PUDP: variants seen among roughly 807,000 people sequenced by gnomAD.
PUDP encodes pseudouridine 5'-phosphatase, also known as pseudouridine-5'-phosphatase.
In PUDP, 8 loss-of-function variants were observed where a neutral mutation model predicts 9.4. The ratio of observed to expected loss-of-function variants is 0.85; its 90% CI spans 0.50 to 1.53. PUDP has a LOEUF of 1.53. Among genes scored for constraint, PUDP ranks in the 40% most tolerant of loss-of-function variants. The pLI, the probability that PUDP is intolerant of heterozygous loss-of-function variation, is 0.00. For synonymous variants in PUDP, 99 were observed against 80.7 expected, an observed-to-expected ratio of 1.23 and a Z score of -1.22; for missense variants, 188 against 189.7, an observed-to-expected ratio of 0.99 and a Z score of 0.05.
chrX:6,941,331 T>C (rs995780232), intron 3 of PUDP, among the ~76,000 whole-genome samples: 4 of 101,405 alleles, frequency 3.9e-5, no homozygotes, highest in African/African-American at 1.5e-4. Flanking sequence ...TTTTTCTTTT[T>C]CTTTTCTGTC....
chrX:6,913,238 A>G (rs908531976), intron 3 of PUDP, among the ~76,000 whole-genome samples: 29 of 111,648 alleles, frequency 2.6e-4, no homozygotes, highest in African/African-American at 8.8e-4. Flanking sequence ...CTCTCCTTTT[A>G]CCCTTGGAAT....
At chrX:7,006,717 G>A (rs1433320615) in intron 1 of PUDP, among the ~76,000 whole-genome samples, 1 of 111,166 alleles carries the variant, frequency 9.0e-6, no homozygotes, top group African/African-American at 3.3e-5. Context: ...TTCATCAGAA[G>A]CCACAAAGGG....
chrX:6,841,833 T>C (rs1480332016), intron 3 of PUDP, among the ~76,000 whole-genome samples: 1 of 111,239 alleles, frequency 9.0e-6, no homozygotes, highest in Non-Finnish European at 1.9e-5. Flanking sequence ...TTTCTTTATC[T>C]TGTTCTGTCT....
At chrX:6,942,986 T>C (rs917211050) in intron 3 of PUDP, among the ~76,000 whole-genome samples, 5 of 112,382 alleles carry the variant, frequency 4.4e-5, no homozygotes, top group Non-Finnish European at 9.4e-5. Context: ...ATTTCCATTG[T>C]TGTAAGCCAC....
At chrX:7,114,679 T>C (rs1471709962) in intron 1 of PUDP, among the ~76,000 whole-genome samples, 3 of 111,979 alleles carry the variant, frequency 2.7e-5, no homozygotes, top group African/African-American at 9.8e-5. Context: ...TCTCAGTGAT[T>C]TGAATGTGTG....
intron 3 of PUDP, among the ~76,000 whole-genome samples, chrX:6,751,847 T>C (rs1483032215): frequency 1.8e-5 from 2 of 110,847 alleles, no homozygotes; most frequent in Non-Finnish European, 3.8e-5. Context: ...ACGATTGGTG[T>C]TTTTGCAGCT....
chrX:6,792,786 G>C (rs1186285460), intron 3 of PUDP, among the ~76,000 whole-genome samples: 3 of 112,798 alleles, frequency 2.7e-5, no homozygotes, highest in Non-Finnish European at 5.6e-5. Flanking sequence ...AGATCTGTCT[G>C]ATTTTTTCTT....
chrX:6,887,958 G>T (rs1927454296), intron 3 of PUDP, among the ~76,000 whole-genome samples: 1 of 111,475 alleles, frequency 9.0e-6, no homozygotes, highest in Non-Finnish European at 1.9e-5. Context: ...CAGAGACAGG[G>T]CAGACAGTCT....
intron 3 of PUDP, among the ~76,000 whole-genome samples, chrX:7,060,671 C>G (rs1206100023): frequency 8.9e-6 from 1 of 112,622 alleles, no homozygotes; most frequent in Non-Finnish European, 1.9e-5. Context: ...CAAAGAGTAG[C>G]TGAATGTGGC....
chrX:6,984,219 GAC>G (rs1476457877), intron 1 of PUDP, among the ~76,000 whole-genome samples: 2 of 111,845 alleles, frequency 1.8e-5, no homozygotes, highest in African/African-American at 6.5e-5. Flanking sequence ...AATCCATCAA[GAC>G]AGAAAGACAG....
intron 1 of PUDP, among the ~76,000 whole-genome samples, chrX:7,019,937 T>C (rs1053611866): frequency 1.8e-5 from 2 of 109,993 alleles, no homozygotes; most frequent in Non-Finnish European, 3.8e-5. Context: ...TTAGGAAAGA[T>C]TGGGAGAATT....
chrX:6,959,708 C>T (rs922689172), intron 3 of PUDP, among the ~76,000 whole-genome samples: 3 of 112,056 alleles, frequency 2.7e-5, no homozygotes, highest in African/African-American at 9.7e-5. Context: ...AAGCCACAGG[C>T]GCCTGACCCC....
intron 3 of PUDP, among the ~76,000 whole-genome samples, chrX:6,748,079 G>A (rs777036799): frequency 2.7e-5 from 3 of 111,729 alleles, no homozygotes; most frequent in Non-Finnish European, 5.6e-5. Context: ...TGACACCTGG[G>A]GGTCTCATCA....
intron 3 of PUDP, among the ~76,000 whole-genome samples, chrX:6,871,461 C>G (rs59793202): frequency 9.0e-6 from 1 of 111,301 alleles, no homozygotes; most frequent in Non-Finnish European, 1.9e-5. Context: ...AAACAGGAAG[C>G]CTTTTCATCA....
At chrX:6,738,851 A>G (rs182660913) in intron 3 of PUDP, among the ~76,000 whole-genome samples, 17 of 112,146 alleles carry the variant, frequency 1.5e-4, no homozygotes, top group Non-Finnish European at 2.4e-4. Flanking sequence ...TACTGCATTG[A>G]TGGGTTCATT....
intron 1 of PUDP, among the ~76,000 whole-genome samples, chrX:7,112,810 C>G (rs56744354): frequency 9.6e-6 from 1 of 103,833 alleles, no homozygotes; most frequent in Admixed American, 1.0e-4. Flanking sequence ...TACAGGTGTG[C>G]GCCACCACAC....
chrX:7,016,522 G>A (rs1929551272), intron 1 of PUDP, among the ~76,000 whole-genome samples: 1 of 110,914 alleles, frequency 9.0e-6, no homozygotes, highest in Non-Finnish European at 1.9e-5. Context: ...TTTCAATAAT[G>A]GGGTACACAT....
intron 1 of PUDP, among the ~76,000 whole-genome samples, chrX:7,109,185 A>C (rs1249729020): frequency 1.8e-5 from 2 of 112,047 alleles, no homozygotes; most frequent in Non-Finnish European, 3.8e-5. Context: ...TTACCCAGGC[A>C]TGAGCGCTCC....
intron 1 of PUDP, among the ~76,000 whole-genome samples, chrX:6,981,160 T>C (rs1929027479): frequency 3.6e-5 from 4 of 111,666 alleles, no homozygotes; most frequent in Admixed American, 1.9e-4. Flanking sequence ...GGCGCAGAAA[T>C]ATTGATGGAT....
Sources: gnomAD v4.1 joint callset for allele counts (sites outside exome capture counted in the v4.1 genomes callset) on GRCh38, gnomAD v4.1.1 for gene constraint, MANE v1.5 for transcripts, NCBI Gene and HGNC (gene_info 2026-07-23, HGNC 2026-07-21) for gene names.